LRP1: variants seen among roughly 807,000 people sequenced by gnomAD.
The protein encoded by LRP1 is prolow-density lipoprotein receptor-related protein 1.
In LRP1, 51 loss-of-function variants were observed where a neutral mutation model predicts 541.5. The ratio of observed to expected loss-of-function variants is 0.09; its 90% confidence interval spans 0.08 to 0.12. The LOEUF (loss-of-function observed/expected upper bound fraction) is 0.12, where lower values mean the gene tolerates loss of function less well. Ranked by LOEUF, LRP1 falls within the 10% of genes least tolerant of loss-of-function variation. LRP1 has a pLI of 1.00. For missense variants in LRP1, 3,878 were observed against 6,376.2 expected, an observed-to-expected ratio of 0.61 and a Z score of 13.34; for synonymous variants, 2,219 against 2,470.8, an observed-to-expected ratio of 0.90 and a Z score of 3.02.
At position 57,178,846 on chromosome 12, in the gene LRP1, T is replaced by C. The variant is rs764188495; in HGVS notation, c.4607-44T>C. 1 of 1,585,490 alleles carries C rather than the reference T, an allele frequency of 6.3e-7. No homozygotes were observed. The highest frequency in any genetic ancestry group is 1.2e-5 in the South Asian group (1 of 86,542). ...GGTGGTCCATGTAGGGAGCAGCAAG[T>C]CACAGGATGCTCTGGCTTCTTCTCT... On this transcript the variant is annotated intron_variant, in intron 27 of 88. Coordinates refer to ENST00000243077, the MANE Select transcript of LRP1 (RefSeq NM_002332.3). This position sits in a 1 kb window ranked among gnomAD's most constrained non-coding sequence, Gnocchi z 5.8.
intron 79 of LRP1, among the ~76,000 whole-genome samples, chr12:57,209,429 G>A (rs1407881095): frequency 1.3e-5 from 2 of 152,240 alleles, no homozygotes; most frequent in South Asian, 2.1e-4. Flanking sequence ...TGGGTTGCAC[G>A]GAGGCAGCAT....
chr12:57,143,622 T>C (rs989770095), intron 3 of LRP1, 57 bp from the exon 4 acceptor site: 2 of 1,581,716 alleles, frequency 1.3e-6, no homozygotes, highest in Admixed American at 3.4e-5. Context: ...GGTTGTGGCC[T>C]GCGTGGAGCT....
chr12:57,164,203 A>G (rs2035794952), intron 15 of LRP1, among the ~76,000 whole-genome samples: 3 of 152,188 alleles, frequency 2.0e-5, no homozygotes, highest in South Asian at 4.1e-4. Context: ...ATAAGTAAAC[A>G]GTATAGAAAA....
At chr12:57,181,395 A>G (rs1344353790) in intron 34 of LRP1, 104 bp downstream of exon 34, 1 of 1,404,700 alleles carries the variant, frequency 7.1e-7, no homozygotes, top group Non-Finnish European at 9.6e-7. Context: ...ACAAGACTAC[A>G]TTCGTCGTGT....
In LRP1 at chr12:57,196,211, T is replaced by C. The variant is rs1565747744; in HGVS notation, c.8826T>C (p.Asn2942=). 6.2e-7 allele frequency: 1 copy of C among 1,612,540 alleles called. No homozygotes were observed. Among genetic ancestry groups the C allele is most frequent in the African/African-American group, 1.3e-5 (1 of 75,060 alleles). Reference sequence around the variant, plus strand: ...CGGACGAGCGTGGCTGCCACATCAATGAGTGTCTCAGCCGCAAGCTCAGTG... The same window carrying C: ...CGGACGAGCGTGGCTGCCACATCAACGAGTGTCTCAGCCGCAAGCTCAGTG... ...DSSDERGCHI[N]ECLSRKLSGC... The change falls in exon 55 of 89, where the codon AAT becomes AAC. Residue 2942 remains asparagine, a synonymous_variant. Coordinates refer to ENST00000243077, the MANE Select transcript of LRP1 (RefSeq NM_002332.3).
chr12:57,167,410 A>G (rs748067061), intron 18 of LRP1, 34 bp from the exon 19 acceptor site: 2 of 1,464,360 alleles, frequency 1.4e-6, no homozygotes, highest in Non-Finnish European at 1.9e-6. Flanking sequence ...TGTAATCGTG[A>G]AGGCCCTACT....
chr12:57,135,638 C>T (rs1418312235), intron 1 of LRP1, among the ~76,000 whole-genome samples: 2 of 152,222 alleles, frequency 1.3e-5, no homozygotes, highest in Non-Finnish European at 2.9e-5. Context: ...GCTGGCCAGG[C>T]CCTCGGGAGA....
In LRP1 at chr12:57,199,320, G is replaced by A; in HGVS notation, c.9785G>A (p.Gly3262Asp). 6.2e-7 allele frequency: 1 copy of A among 1,613,502 alleles called. No individual in the cohort carries two copies. The highest frequency in any genetic ancestry group is 8.5e-7 in the Non-Finnish European group (1 of 1,179,904). The part of the protein sequence containing the change: ...KSINRAHKTT[G>D]TNKTLLISTL... Reference sequence around the variant, plus strand: ...ATTAACCGAGCCCACAAGACCACGGGCACCAACAAAACGCTCCTCATCAGC... The same window carrying A: ...ATTAACCGAGCCCACAAGACCACGGACACCAACAAAACGCTCCTCATCAGC... Residue 3262 changes from glycine to aspartate, a missense_variant, in exon 61 of 89, where the codon GGC becomes GAC. By Grantham distance (94) the Gly-to-Asp change is moderately conservative. This residue lies in a region of LRP1 where 1,100 missense variants were observed against 1,827.4 expected (regional missense o/e 0.60). Coordinates refer to ENST00000243077, the MANE Select transcript of LRP1 (RefSeq NM_002332.3).
chr12:57,196,318 T>A (rs560804802), intron 55 of LRP1, 41 bp downstream of exon 55: 1 of 1,486,626 alleles, frequency 6.7e-7, no homozygotes, highest in African/African-American at 1.4e-5. Context: ...ACCCCAGACG[T>A]GCCAGGAACG....
chr12:57,147,047 C>T (rs1400427587), intron 6 of LRP1, among the ~76,000 whole-genome samples: 2 of 152,124 alleles, frequency 1.3e-5, no homozygotes, highest in Non-Finnish European at 2.9e-5. Context: ...CTGACTTCCT[C>T]CCCAGGAGAA....
Position 57,209,207 on chromosome 12 carries a change from C to A in LRP1, c.12262+8C>A. ...CTGCTGACAGCAAACGAGGTCAGAGCCCGGCATAAGTCGCAGTCCCCAGCC... is the reference window on the plus strand; with the variant it reads ...CTGCTGACAGCAAACGAGGTCAGAGACCGGCATAAGTCGCAGTCCCCAGCC... On this transcript the variant is annotated splice_region_variant and intron_variant, in intron 79 of 88. Coordinates refer to ENST00000243077, the MANE Select transcript of LRP1 (RefSeq NM_002332.3). 1 of 1,609,762 alleles carries A rather than the reference C, an allele frequency of 6.2e-7. No individual in the cohort carries two copies. Among genetic ancestry groups the A allele is most frequent in the Non-Finnish European group, 8.5e-7 (1 of 1,176,414 alleles).
intron 67 of LRP1, 21 bp from the exon 68 acceptor site, chr12:57,202,400 C>G (rs761612509): frequency 2.9e-5 from 46 of 1,575,072 alleles, no homozygotes; most frequent in Middle Eastern, 1.7e-4. Context: ...CCCTGACTGC[C>G]CTGACACTTG....
rs758284133 is a variant in LRP1 at position 57,211,349 on chromosome 12, A to C, written c.13090A>C (p.Asn4364His). Reference protein sequence around the residue: ...VNKQSGDVTCNCTDGRVAPSC... With the variant: ...VNKQSGDVTCHCTDGRVAPSC... The stretch of plus-strand genomic sequence containing the variant: ...CAAGCAGAGTGGGGATGTCACCTGC[A>C]AGTGAGTGGGGCCCTCCTCCACAGT... The change falls in exon 84 of 89, where the codon AAC becomes CAC. Residue 4364 changes from asparagine (N) to histidine (H), a missense_variant and splice_region_variant. Coordinates refer to ENST00000243077, the MANE Select transcript of LRP1 (RefSeq NM_002332.3). This position sits in a 1 kb window ranked among gnomAD's most constrained non-coding sequence, Gnocchi z 4.3. The C allele has an allele frequency of 2.5e-6, 4 of 1,613,726 alleles. No homozygotes were observed. The highest frequency in any genetic ancestry group is 2.5e-6 in the Non-Finnish European group (3 of 1,179,960).
At chr12:57,152,226 G>A (rs780576700) in intron 6 of LRP1, among the ~76,000 whole-genome samples, 2 of 152,100 alleles carry the variant, frequency 1.3e-5, no homozygotes, top group Non-Finnish European at 2.9e-5. Flanking sequence ...GTGGATAGGG[G>A]GAGCAGGGGC....
chr12:57,159,004 G>A (rs559592211), intron 11 of LRP1, among the ~76,000 whole-genome samples: 2 of 152,224 alleles, frequency 1.3e-5, no homozygotes, highest in Non-Finnish European at 2.9e-5. Context: ...ATGTATGTGC[G>A]CACACAGGGT....
chr12:57,160,078 GA>G, intron 12 of LRP1, 73 bp downstream of exon 12: 1 of 1,509,302 alleles, frequency 6.6e-7, no homozygotes, highest in Non-Finnish European at 9.1e-7. Context: ...GGATGAAATG[GA>G]CAGGGAAGCA....
At position 57,156,716 on chromosome 12, in the gene LRP1, C is replaced by T. The variant is rs963791663; in HGVS notation, c.1418-61C>T. 1.6e-5 allele frequency: 25 copies of T among 1,524,960 alleles called. No homozygotes were observed. The highest frequency in any genetic ancestry group is 2.1e-5 in the Non-Finnish European group (24 of 1,126,602). The allele number at this position is 1,524,960 out of a possible 1,614,324, so 94.5% of individuals were successfully genotyped here. ...GGGGGTGTGGTCAGATTCAGGAAGC[C>T]TTCTCAAGGCCTGGCACAGGGGCTC... is the stretch of plus-strand genomic sequence containing the variant. On this transcript the variant is annotated intron_variant, in intron 9 of 88. Transcript: ENST00000243077. This position sits in a 1 kb window ranked among gnomAD's most constrained non-coding sequence, Gnocchi z 5.2.
chr12:57,210,631 C>A, intron 82 of LRP1, 87 bp from the exon 83 acceptor site: 1 of 1,499,938 alleles, frequency 6.7e-7, no homozygotes, highest in South Asian at 1.3e-5. Flanking sequence ...CTCTGCTTCT[C>A]GCCCAGGTCC....
At chr12:57,138,299 A>G (rs933631660) in intron 1 of LRP1, among the ~76,000 whole-genome samples, 160 bp from the exon 2 acceptor site, 21 of 151,540 alleles carry the variant, frequency 1.4e-4, no homozygotes, top group Non-Finnish European at 2.9e-4. Flanking sequence ...GGAACTACCC[A>G]AAGCCACCCC....
Sources: gnomAD v4.1 joint callset for allele counts (sites outside exome capture counted in the v4.1 genomes callset) on GRCh38, gnomAD v4.1.1 for gene constraint, gnomAD v4.1.1 regional missense constraint, Gnocchi (gnomAD v3.1) non-coding constraint, MANE v1.5 for transcripts, NCBI Gene and HGNC (gene_info 2026-07-23, HGNC 2026-07-21) for gene names.